Variants in RASAL2 observed in about 807,000 individuals in gnomAD.
RASAL2 encodes the protein RAS protein activator like 2, also known as ras GTPase-activating protein nGAP.
In RASAL2, 58 loss-of-function variants were observed where a neutral mutation model predicts 128.9. That is an observed-to-expected ratio of 0.45 (90% confidence interval 0.36 to 0.56). The LOEUF (loss-of-function observed/expected upper bound fraction) is 0.56, where lower values mean the gene tolerates loss of function less well. RASAL2 is among the 20% of genes least tolerant of loss of function. RASAL2 has a pLI of 0.00. For synonymous variants in RASAL2, 561 were observed against 580.8 expected (o/e 0.97, Z 0.49); for missense variants, 1,360 against 1,601.6 (o/e 0.85, Z 2.57).
rs373028608 is a variant in RASAL2 at position 178,141,982 on chromosome 1, A to G, written c.202+47288A>G. 4.6e-5 allele frequency among the ~76,000 whole-genome samples: 7 copies of G among 152,244 alleles called. No homozygotes were observed. The East Asian group carries it at 1.2e-3, about 25-fold the overall frequency. ...ATAGGAGCTCTTGGTAAGGGGAGCT[A>G]CTGGTAGTACAGCAGCATGGAGGAG... On this transcript the variant is annotated intron_variant, in intron 1 of 17. Coordinates refer to ENST00000367649, the MANE Select transcript of RASAL2 (RefSeq NM_170692.4).
intron 1 of RASAL2, among the ~76,000 whole-genome samples, chr1:178,192,968 A>G (rs1260755073): frequency 6.6e-6 from 1 of 152,188 alleles, no homozygotes; most frequent in Non-Finnish European, 1.5e-5. Context: ...GAAGGCAGAT[A>G]GAGACAGCCA....
intron 1 of RASAL2, among the ~76,000 whole-genome samples, chr1:178,207,811 C>T (rs1270336859): frequency 6.6e-6 from 1 of 152,016 alleles, no homozygotes; most frequent in Non-Finnish European, 1.5e-5. Flanking sequence ...TTTATTTTCT[C>T]TCATGATAAA....
chr1:178,159,946 G>A lies in RASAL2; in HGVS notation c.202+65252G>A, dbSNP rs181057404. Among the ~76,000 whole-genome samples, 6 of 151,542 alleles carry A rather than the reference G, an allele frequency of 4.0e-5. No homozygotes were observed. The East Asian group carries it at 9.7e-4, about 24-fold the overall frequency. ...AAACAAAAAAAACTACTGTGGATAA[G>A]TGTGTCCAAAGCAAAAATCAAAATG... is the stretch of plus-strand genomic sequence containing the variant. On this transcript the variant is annotated intron_variant, in intron 1 of 17. Coordinates refer to ENST00000367649, the MANE Select transcript of RASAL2 (RefSeq NM_170692.4).
intron 1 of RASAL2, among the ~76,000 whole-genome samples, chr1:178,099,407 T>A (rs1174381585): frequency 1.3e-5 from 2 of 152,232 alleles, no homozygotes; most frequent in Admixed American, 6.5e-5. Flanking sequence ...AGGCATGTAC[T>A]GTTTAAGTGA....
At chr1:178,325,341 T>C (rs1476277043) in intron 3 of RASAL2, among the ~76,000 whole-genome samples, 2 of 152,206 alleles carry the variant, frequency 1.3e-5, no homozygotes, top group African/African-American at 4.8e-5. Flanking sequence ...TATCAGTTCA[T>C]TTTTTCCTCT....
intron 1 of RASAL2, among the ~76,000 whole-genome samples, chr1:178,164,502 TGTGC>T (rs1431329119): frequency 2.1e-5 from 3 of 145,360 alleles, no homozygotes; most frequent in South Asian, 2.2e-4. Flanking sequence ...TGTGTGTGTG[TGTGC>T]GTGTGTGTGT....
Position 178,473,116 on chromosome 1 carries a change from G to C in RASAL2, c.3720G>C (p.Leu1240=). Residue 1240 remains leucine, a synonymous_variant, in exon 18 of 18, where the codon CTG becomes CTC. Transcript: ENST00000367649. The part of the protein sequence containing the change: ...IVSLDSANTR[L]MSALTQVKER... ...CCCTGGATTCAGCCAACACCAGACT[G>C]ATGAGCGCGCTGACCCAAGTGAAGG... 1 of 1,614,224 alleles carries C rather than the reference G, an allele frequency of 6.2e-7. No homozygotes were observed. The highest frequency in any genetic ancestry group is 8.5e-7 in the Non-Finnish European group (1 of 1,180,036).
intron 4 of RASAL2, among the ~76,000 whole-genome samples, chr1:178,410,463 G>A (rs1294970177): frequency 6.6e-6 from 1 of 152,050 alleles, no homozygotes; most frequent in Non-Finnish European, 1.5e-5. Context: ...ATTGACTTAG[G>A]CAAAGACTTC....
chr1:178,371,882 ATTC>A (rs1671737451), intron 3 of RASAL2, among the ~76,000 whole-genome samples: 1 of 151,870 alleles, frequency 6.6e-6, no homozygotes, highest in African/African-American at 2.4e-5. Context: ...GAGTGTCTTT[ATTC>A]TTTATTTTCG....
intron 1 of RASAL2, among the ~76,000 whole-genome samples, chr1:178,231,521 C>A (rs1436060922): frequency 3.3e-5 from 5 of 152,102 alleles, no homozygotes; most frequent in Non-Finnish European, 7.3e-5. Flanking sequence ...TTCTATTGAA[C>A]AGAAGTTGTT....
Position 178,442,681 on chromosome 1 carries a change from T to C in RASAL2, c.934T>C (p.Cys312Arg). 1.9e-6 allele frequency: 3 copies of C among 1,602,996 alleles called. No homozygotes were observed. Among genetic ancestry groups the C allele is most frequent in the Non-Finnish European group, 2.6e-6 (3 of 1,174,242 alleles). The part of the protein sequence containing the change: ...RRTVQPNKDN[C>R]RRAENVLRLW... The stretch of plus-strand genomic sequence containing the variant: ...CTTTGTTGCCTCTTTATAGGACAAT[T>C]GCAGGCGAGCTGAAAATGTTCTTCG... Residue 312 changes from cysteine (C) to arginine (R), a missense_variant, in exon 8 of 18, where the codon TGC (cysteine) becomes CGC (arginine). Coordinates refer to ENST00000367649, the MANE Select transcript of RASAL2 (RefSeq NM_170692.4).
At chr1:178,165,996 A>G (rs1388475191) in intron 1 of RASAL2, among the ~76,000 whole-genome samples, 1 of 152,092 alleles carries the variant, frequency 6.6e-6, no homozygotes, top group East Asian at 1.9e-4. Context: ...ATGTGCACAT[A>G]CATACTCACC....
chr1:178,441,478 C>T, intron 6 of RASAL2, 71 bp from the exon 7 acceptor site: 3 of 1,032,890 alleles, frequency 2.9e-6, no homozygotes, highest in South Asian at 1.3e-5. Flanking sequence ...TAGAGGTATG[C>T]TGTGAACCCT....
chr1:178,471,770 C>T (rs1258613459), intron 17 of RASAL2, among the ~76,000 whole-genome samples: 1 of 152,084 alleles, frequency 6.6e-6, no homozygotes, highest in Non-Finnish European at 1.5e-5. Context: ...CCCCCAGGGC[C>T]GTGGTCTTCA....
At chr1:178,148,539 C>T (rs1201149652) in intron 1 of RASAL2, among the ~76,000 whole-genome samples, 1 of 149,728 alleles carries the variant, frequency 6.7e-6, no homozygotes, top group African/African-American at 2.5e-5. Context: ...GCTTCAACCT[C>T]CTGGGCTCAG....
chr1:178,456,624 A>G (rs1677792079), intron 12 of RASAL2, 97 bp from the exon 13 acceptor site: 6 of 1,301,662 alleles, frequency 4.6e-6, no homozygotes. Context: ...CCTCCAACCT[A>G]CACCCCTCCA....
rs544077810 is a variant in RASAL2, at chr1:178,094,553, C to G, written c.61C>G (p.Pro21Ala). The G allele has an allele frequency of 3.1e-5, 50 of 1,592,068 alleles. No homozygotes were observed. The African/African-American group carries it at 6.7e-4, about 21-fold the overall frequency. Residue 21 changes from proline to alanine, a missense_variant, in exon 1 of 18, where the codon CCG becomes GCG. This residue lies in a region of RASAL2 where 617 missense variants were observed against 714.2 expected (regional missense o/e 0.86). Transcript: ENST00000367649. The part of the protein sequence containing the change: ...AEALSWPEMF[P>A]ALESDSPLPP... ...GGCGCTGTCCTGGCCGGAGATGTTCCCGGCGCTGGAGTCCGACTCGCCGCT... is the reference window on the plus strand; with the variant it reads ...GGCGCTGTCCTGGCCGGAGATGTTCGCGGCGCTGGAGTCCGACTCGCCGCT...
chr1:178,307,782 T>C (rs960103239), intron 3 of RASAL2, among the ~76,000 whole-genome samples: 2 of 152,236 alleles, frequency 1.3e-5, no homozygotes, highest in Non-Finnish European at 2.9e-5. Context: ...CCAATCTTTT[T>C]GTTGTATTTC....
At chr1:178,439,998 C>CATCCATCCGTCT (rs1676523072) in intron 6 of RASAL2, among the ~76,000 whole-genome samples, 1 of 150,790 alleles carries the variant, frequency 6.6e-6, no homozygotes, top group Non-Finnish European at 1.5e-5. Context: ...TCCATCCATC[C>CATCCATCCGTCT]ATCCATCCAT....
Sources: gnomAD v4.1 joint callset for allele counts (sites outside exome capture counted in the v4.1 genomes callset) on GRCh38, gnomAD v4.1.1 for gene constraint, gnomAD v4.1.1 regional missense constraint, MANE v1.5 for transcripts, NCBI Gene and HGNC (gene_info 2026-07-23, HGNC 2026-07-21) for gene names.